The following PPP4R3B variants were observed in gnomAD, a reference collection of about 807,000 sequenced individuals.
The protein encoded by PPP4R3B is protein phosphatase 4 regulatory subunit 3B, also known as serine/threonine-protein phosphatase 4 regulatory subunit 3B.
A neutral mutation model predicts 95.4 loss-of-function variants in PPP4R3B; 52 were observed. The ratio of observed to expected loss-of-function variants is 0.54; its 90% confidence interval spans 0.44 to 0.69. The LOEUF (loss-of-function observed/expected upper bound fraction) is 0.69, where lower values mean the gene tolerates loss of function less well. Among genes scored for constraint, PPP4R3B ranks in the 30% least tolerant of loss-of-function variants. The probability of loss-of-function intolerance (pLI) is 0.00; values close to 1 mark genes in which losing one functional copy is unlikely to be tolerated. For missense variants in PPP4R3B, 1,003 were observed against 1,005.9 expected (o/e 1.00, Z 0.04); for synonymous variants, 407 against 343.9 (o/e 1.18, Z -2.03).
chr2:55,609,466 G>C (rs1422769317), intron 2 of PPP4R3B, among the ~76,000 whole-genome samples: 1 of 152,034 alleles, frequency 6.6e-6, no homozygotes, highest in Non-Finnish European at 1.5e-5. Flanking sequence ...TGGGCTGCTT[G>C]AGCTCAGGAG....
intron 11 of PPP4R3B, among the ~76,000 whole-genome samples, chr2:55,575,496 AG>A (rs1229750878): frequency 6.6e-6 from 1 of 152,128 alleles, no homozygotes; most frequent in African/African-American, 2.4e-5. Context: ...CCCAGGCTGG[AG>A]GGCACTGGTG....
Position 55,586,511 on chromosome 2 carries a change from GCTAAA to G in PPP4R3B, c.1116+102_1116+106del, listed in dbSNP as rs1690171082. ...ATATTCTTGTAATTCAATTAAGATA[GCTAAA>G]CTATAGAATTGAATATACATTATTA... On this transcript the variant is annotated intron_variant, in intron 6 of 16. Coordinates refer to ENST00000616407, the MANE Select transcript of PPP4R3B (RefSeq NM_001122964.3). 2.3e-5 allele frequency: 14 copies of G among 602,996 alleles called. No individual in the cohort carries two copies. The South Asian group carries it at 4.0e-4, about 17-fold the overall frequency. The allele number at this position is 602,996 out of a possible 1,614,324, so 37.4% of individuals were successfully genotyped here. A position where few individuals can be genotyped will look rare whatever the true frequency, so the allele number is the denominator to read the frequency against.
intron 1 of PPP4R3B, 23 bp from the exon 2 acceptor site, chr2:55,615,529 T>C (rs1572763999): frequency 1.3e-6 from 2 of 1,484,812 alleles, no homozygotes; most frequent in East Asian, 4.6e-5. Flanking sequence ...AAATAATACA[T>C]CATAAGTCTC....
intron 12 of PPP4R3B, among the ~76,000 whole-genome samples, chr2:55,570,743 G>C (rs2104023770): frequency 6.6e-6 from 1 of 152,230 alleles, no homozygotes; most frequent in Non-Finnish European, 1.5e-5. Flanking sequence ...CATTATCTGA[G>C]AATAAAACAG....
At chr2:55,559,557 T>G (rs907732391) in intron 15 of PPP4R3B, among the ~76,000 whole-genome samples, 2 of 152,142 alleles carry the variant, frequency 1.3e-5, no homozygotes, top group African/African-American at 4.8e-5. Context: ...TCGCCCTTGC[T>G]GTTCTTGTGA....
At chr2:55,615,166 G>C in intron 2 of PPP4R3B, 1 of 275,882 alleles carries the variant, frequency 3.6e-6, no homozygotes, top group Non-Finnish European at 6.8e-6. Flanking sequence ...AGAATAAAAG[G>C]TTTCATGTAC....
intron 2 of PPP4R3B, among the ~76,000 whole-genome samples, chr2:55,607,325 C>A (rs1449608617): frequency 6.6e-6 from 1 of 152,162 alleles, no homozygotes; most frequent in African/African-American, 2.4e-5. Flanking sequence ...GGGCTCAGCC[C>A]TACAAGACTG....
At chr2:55,573,876 G>A (rs976341637) in intron 11 of PPP4R3B, 99 bp from the exon 12 acceptor site, 2 of 514,708 alleles carry the variant, frequency 3.9e-6, no homozygotes, top group Non-Finnish European at 5.9e-6. Flanking sequence ...AATCTAAACT[G>A]TATTTCCTCC....
At chr2:55,563,083 A>G (rs1386239679) in intron 15 of PPP4R3B, among the ~76,000 whole-genome samples, 1 of 152,240 alleles carries the variant, frequency 6.6e-6, no homozygotes, top group Non-Finnish European at 1.5e-5. Context: ...ATATGGCTGT[A>G]CTGCCTCTTT....
At chr2:55,572,749 T>C (rs1433099117) in intron 12 of PPP4R3B, among the ~76,000 whole-genome samples, 33 of 152,188 alleles carry the variant, frequency 2.2e-4, no homozygotes, top group Admixed American at 2.2e-3. Context: ...AAAAGATTTA[T>C]GTACTAGACT....
chr2:55,568,819 C>G (rs1687622455), intron 12 of PPP4R3B, among the ~76,000 whole-genome samples: 1 of 152,144 alleles, frequency 6.6e-6, no homozygotes, highest in Non-Finnish European at 1.5e-5. Flanking sequence ...GAGTGGGCAA[C>G]CCACCATGAG....
chr2:55,614,243 A>T (rs534171220), intron 2 of PPP4R3B: 1 of 152,186 alleles, frequency 6.6e-6, no homozygotes, highest in Non-Finnish European at 1.5e-5. Context: ...AATTTTCATA[A>T]ACCTTGAAGT....
intron 2 of PPP4R3B, among the ~76,000 whole-genome samples, chr2:55,610,593 G>GC (rs530273530): frequency 6.6e-4 from 100 of 152,094 alleles, no homozygotes; most frequent in African/African-American, 2.4e-3. Context: ...TGTGGAAAAT[G>GC]CAAGTTTACT....
At chr2:55,594,136 G>A (rs1306515082) in intron 4 of PPP4R3B, among the ~76,000 whole-genome samples, 2 of 151,830 alleles carry the variant, frequency 1.3e-5, no homozygotes, top group African/African-American at 4.8e-5. Context: ...ACAGACACTG[G>A]GAACTCCAAA....
At chr2:55,551,601 A>T (rs1405523370) in intron 16 of PPP4R3B, among the ~76,000 whole-genome samples, 4 of 152,078 alleles carry the variant, frequency 2.6e-5, no homozygotes, top group Non-Finnish European at 5.9e-5. Context: ...AAATAAAAAA[A>T]TTAGCCAGGA....
At chr2:55,590,843 A>G (rs1241946344) in intron 4 of PPP4R3B, among the ~76,000 whole-genome samples, 1 of 152,226 alleles carries the variant, frequency 6.6e-6, no homozygotes, top group Non-Finnish European at 1.5e-5. Flanking sequence ...CCTTTTTGAA[A>G]TAACGTGGAA....
At chr2:55,570,177 G>C (rs1687831058) in intron 12 of PPP4R3B, among the ~76,000 whole-genome samples, 1 of 152,186 alleles carries the variant, frequency 6.6e-6, no homozygotes, top group Non-Finnish European at 1.5e-5. Flanking sequence ...TTGAACCCTG[G>C]AGGTGGAGGT....
intron 1 of PPP4R3B, 70 bp downstream of exon 1, chr2:55,617,074 A>G: frequency 6.7e-7 from 1 of 1,500,334 alleles, no homozygotes; most frequent in Admixed American, 2.3e-5. Context: ...TAACGGGCCC[A>G]GGGCCCTAAA....
intron 4 of PPP4R3B, among the ~76,000 whole-genome samples, chr2:55,594,345 A>G (rs961349600): frequency 1.3e-5 from 2 of 151,908 alleles, no homozygotes; most frequent in African/African-American, 4.8e-5. Flanking sequence ...CTGGCACATA[A>G]GAGATAATTA....
Sources: gnomAD v4.1 joint callset for allele counts (sites outside exome capture counted in the v4.1 genomes callset) on GRCh38, gnomAD v4.1.1 for gene constraint, MANE v1.5 for transcripts, NCBI Gene and HGNC (gene_info 2026-07-23, HGNC 2026-07-21) for gene names.